The following CDKAL1 variants were observed in gnomAD, a reference collection of about 807,000 sequenced individuals.
CDKAL1 encodes the protein CDKAL1 threonylcarbamoyladenosine tRNA methylthiotransferase.
A neutral mutation model predicts 68.2 loss-of-function variants in CDKAL1; 32 were observed. The ratio of observed to expected loss-of-function variants is 0.47; its 90% CI spans 0.35 to 0.63. The LOEUF (loss-of-function observed/expected upper bound fraction) is 0.63. Ranked by LOEUF, CDKAL1 falls within the 30% of genes least tolerant of loss-of-function variation. The pLI is 0.00. For synonymous variants in CDKAL1, 234 were observed against 244.3 expected (o/e 0.96, Z 0.39); for missense variants, 606 against 696.7 (o/e 0.87, Z 1.47).
At chr6:21,094,268 A>C (rs971492877) in intron 12 of CDKAL1, among the ~76,000 whole-genome samples, 1 of 152,146 alleles carries the variant, frequency 6.6e-6, no homozygotes, top group African/African-American at 2.4e-5. Context: ...CAAAAATGAC[A>C]TGTTACTTGG....
chr6:21,175,655 A>T (rs1030301088), intron 13 of CDKAL1, among the ~76,000 whole-genome samples: 3 of 152,258 alleles, frequency 2.0e-5, no homozygotes, highest in Non-Finnish European at 4.4e-5. Flanking sequence ...AGACAGGTTT[A>T]AAATTACTAA....
rs1403145721 is a variant in CDKAL1, at chr6:20,576,799, C to T, written c.286+28094C>T. Among the ~76,000 whole-genome samples the T allele has an allele frequency of 2.6e-5, 4 of 152,212 alleles. No homozygotes were observed. In the South Asian group the frequency reaches 8.3e-4, roughly 32 times the overall value. On this transcript the variant is annotated intron_variant, in intron 4 of 15. Transcript: ENST00000274695. ...CTTGGAGGCAGGAGCTTGCTTTTCT[C>T]TGTGTGTGGCGTGGAGCAGGTGTTC...
chr6:20,563,351 ATT>A (rs1764339307), intron 4 of CDKAL1, among the ~76,000 whole-genome samples: 1 of 152,244 alleles, frequency 6.6e-6, no homozygotes, highest in Non-Finnish European at 1.5e-5. Flanking sequence ...AGTGGAAGAC[ATT>A]GAAAATGGTA....
At chr6:20,902,085 T>A (rs186815724) in intron 9 of CDKAL1, among the ~76,000 whole-genome samples, 1 of 80,782 alleles carries the variant, frequency 1.2e-5, no homozygotes, top group South Asian at 5.0e-4. Context: ...ACTGTCCCCC[T>A]GACTTCTAAC....
intron 12 of CDKAL1, among the ~76,000 whole-genome samples, chr6:21,102,987 G>A (rs1408445224): frequency 2.0e-5 from 3 of 152,170 alleles, no homozygotes; most frequent in African/African-American, 7.2e-5. Context: ...TATGATGAAG[G>A]CTTGCAGAAC....
intron 13 of CDKAL1, among the ~76,000 whole-genome samples, chr6:21,160,030 A>G (rs1776837754): frequency 6.6e-6 from 1 of 152,186 alleles, no homozygotes; most frequent in African/African-American, 2.4e-5. Flanking sequence ...CACCAAATGT[A>G]TAGGATTTGT....
intron 9 of CDKAL1, among the ~76,000 whole-genome samples, chr6:20,903,694 T>G (rs920726606): frequency 6.6e-6 from 1 of 152,220 alleles, no homozygotes; most frequent in Non-Finnish European, 1.5e-5. Flanking sequence ...CAAATGAAAC[T>G]GAAGCCCATG....
chr6:21,194,651 C>G lies in CDKAL1; in HGVS notation c.1300-3370C>G, dbSNP rs950534106. The stretch of plus-strand genomic sequence containing the variant: ...AATTTTGTTATGTGAGGGTCTTTAA[C>G]CACACACGGCTACCATATGGGGTGG... On this transcript the variant is annotated intron_variant, in intron 13 of 15. Coordinates refer to ENST00000274695, the MANE Select transcript of CDKAL1 (RefSeq NM_017774.3). Among the ~76,000 whole-genome samples the G allele has an allele frequency of 2.0e-5, 3 of 152,180 alleles. 1 individual carries two copies. Among genetic ancestry groups the G allele is most frequent in the Admixed American group, 6.5e-5 (1 of 15,274 alleles).
intron 9 of CDKAL1, among the ~76,000 whole-genome samples, chr6:20,922,838 A>G (rs997370798): frequency 4.6e-5 from 7 of 152,230 alleles, no homozygotes; most frequent in Non-Finnish European, 1.0e-4. Flanking sequence ...AATTTACCAA[A>G]TGATTTATAA....
intron 13 of CDKAL1, among the ~76,000 whole-genome samples, chr6:21,161,989 G>A (rs1488305705): frequency 1.3e-5 from 2 of 152,150 alleles, no homozygotes; most frequent in East Asian, 1.9e-4. Context: ...TGTGCCTAGC[G>A]GGAGGCTTTT....
chr6:20,756,376 C>T (rs916176684), intron 6 of CDKAL1, among the ~76,000 whole-genome samples: 2 of 152,186 alleles, frequency 1.3e-5, no homozygotes, highest in Non-Finnish European at 2.9e-5. Context: ...ACTGAACTCA[C>T]TGCTTTCCCT....
chr6:20,841,634 C>T (rs559509053), intron 8 of CDKAL1, among the ~76,000 whole-genome samples: 9 of 152,248 alleles, frequency 5.9e-5, no homozygotes, highest in African/African-American at 1.9e-4. Flanking sequence ...TTGAACTGGG[C>T]GTGATGGCTC....
At chr6:20,837,983 A>G (rs111694800) in intron 8 of CDKAL1, among the ~76,000 whole-genome samples, 800 of 75,528 alleles carry the variant, frequency 0.011, 6 homozygotes, top group South Asian at 0.079. Context: ...GTGTGTGTGT[A>G]TACTTCTATG....
chr6:20,918,044 G>A (rs953542111), intron 9 of CDKAL1, among the ~76,000 whole-genome samples: 1 of 152,200 alleles, frequency 6.6e-6, no homozygotes, highest in African/African-American at 2.4e-5. Context: ...CTGGGAGGTG[G>A]AGGTTGCAGT....
At chr6:20,813,123 T>G (rs1158254444) in intron 8 of CDKAL1, among the ~76,000 whole-genome samples, 1 of 152,178 alleles carries the variant, frequency 6.6e-6, no homozygotes, top group East Asian at 1.9e-4. Context: ...TCTCTGTCTC[T>G]GTCTCTCTCA....
At chr6:21,000,805 C>G (rs1277686353) in intron 11 of CDKAL1, among the ~76,000 whole-genome samples, 1 of 152,124 alleles carries the variant, frequency 6.6e-6, no homozygotes, top group African/African-American at 2.4e-5. Context: ...TAAAGAGTAT[C>G]TGGAATGTCT....
intron 13 of CDKAL1, among the ~76,000 whole-genome samples, chr6:21,171,421 C>T (rs1777380674): frequency 6.6e-6 from 1 of 152,010 alleles, no homozygotes; most frequent in South Asian, 2.1e-4. Flanking sequence ...ACCATGTTAG[C>T]CAGGCTGGTC....
chr6:20,793,490 C>T (rs1378837356), intron 8 of CDKAL1, among the ~76,000 whole-genome samples: 4 of 152,012 alleles, frequency 2.6e-5, no homozygotes, highest in Admixed American at 6.6e-5. Context: ...ATAATGGCAA[C>T]GTGATGGTTG....
chr6:21,149,845 T>A (rs1230041964), intron 13 of CDKAL1, among the ~76,000 whole-genome samples: 2 of 152,098 alleles, frequency 1.3e-5, no homozygotes, highest in Non-Finnish European at 2.9e-5. Flanking sequence ...AACAAATGAA[T>A]GTCCCGAACA....
Sources: gnomAD v4.1 joint callset for allele counts (sites outside exome capture counted in the v4.1 genomes callset) on GRCh38, gnomAD v4.1.1 for gene constraint, MANE v1.5 for transcripts, NCBI Gene and HGNC (gene_info 2026-07-23, HGNC 2026-07-21) for gene names.